The following MACROD2 variants were observed in gnomAD, a reference collection of about 807,000 sequenced individuals.
The protein encoded by MACROD2 is mono-ADP ribosylhydrolase 2.
A neutral mutation model predicts 70.4 loss-of-function variants in MACROD2; 36 were observed. That is an observed-to-expected ratio of 0.51 (90% CI 0.39 to 0.68). The LOEUF is 0.68. MACROD2 is among the 30% of genes least tolerant of loss of function. The pLI, the probability that MACROD2 is intolerant of heterozygous loss-of-function variation, is 0.00. For missense variants in MACROD2, 496 were observed against 538.4 expected, an observed-to-expected ratio of 0.92 and a Z score of 0.78; for synonymous variants, 172 against 178.8, an observed-to-expected ratio of 0.96 and a Z score of 0.30.
intron 5 of MACROD2, among the ~76,000 whole-genome samples, chr20:14,887,728 C>T (rs1250731891): frequency 6.6e-6 from 1 of 151,978 alleles, no homozygotes; most frequent in Non-Finnish European, 1.5e-5. Flanking sequence ...ACAATTGCTT[C>T]CTTACCAAAA....
At chr20:15,843,138 A>G (rs2064192284) in intron 8 of MACROD2, among the ~76,000 whole-genome samples, 1 of 152,184 alleles carries the variant, frequency 6.6e-6, no homozygotes, top group Non-Finnish European at 1.5e-5. Context: ...AAATGAGGTA[A>G]TCAACATGAA....
intron 3 of MACROD2, chr20:14,325,378 A>G (rs2082717003): frequency 1.8e-6 from 1 of 551,468 alleles, no homozygotes; most frequent in South Asian, 3.6e-5. Flanking sequence ...CGCAGCAGTA[A>G]CCTGAAATTT....
At chr20:14,193,673 C>T (rs1350426394) in intron 3 of MACROD2, among the ~76,000 whole-genome samples, 2 of 152,074 alleles carry the variant, frequency 1.3e-5, no homozygotes, top group Admixed American at 1.3e-4. Context: ...CGGAGTGCAG[C>T]TATAGTCAGA....
At chr20:15,158,156 C>T (rs2076322348) in intron 5 of MACROD2, among the ~76,000 whole-genome samples, 1 of 152,136 alleles carries the variant, frequency 6.6e-6, no homozygotes, top group Non-Finnish European at 1.5e-5. Context: ...GGGATATTCT[C>T]CACCTTTGTG....
intron 5 of MACROD2, among the ~76,000 whole-genome samples, chr20:14,703,663 C>A (rs2071233730): frequency 6.6e-6 from 1 of 152,154 alleles, no homozygotes; most frequent in Non-Finnish European, 1.5e-5. Context: ...TGAGATCATG[C>A]CACTGCTCTC....
At chr20:15,184,931 G>T (rs913213380) in intron 5 of MACROD2, among the ~76,000 whole-genome samples, 1 of 152,192 alleles carries the variant, frequency 6.6e-6, no homozygotes, top group Non-Finnish European at 1.5e-5. Flanking sequence ...TCTTTCGGGA[G>T]CTGTTGTTTC....
At chr20:14,961,668 C>T (rs939539760) in intron 5 of MACROD2, among the ~76,000 whole-genome samples, 48 of 152,170 alleles carry the variant, frequency 3.2e-4, no homozygotes, top group African/African-American at 7.2e-4. Flanking sequence ...CATCCCACTT[C>T]GGCCTCCCAA....
At chr20:15,320,202 C>A (rs1346088420) in intron 6 of MACROD2, among the ~76,000 whole-genome samples, 2 of 151,076 alleles carry the variant, frequency 1.3e-5, no homozygotes, top group Non-Finnish European at 2.9e-5. Context: ...GACTCCATCT[C>A]AAAAAAAACA....
intron 8 of MACROD2, among the ~76,000 whole-genome samples, chr20:15,763,803 A>G (rs1047991769): frequency 2.6e-5 from 4 of 152,250 alleles, no homozygotes; most frequent in Admixed American, 1.3e-4. Context: ...AAGGCTGTGT[A>G]GTTTCATGGC....
intron 12 of MACROD2, among the ~76,000 whole-genome samples, chr20:15,947,514 T>C (rs2065841592): frequency 6.6e-6 from 1 of 152,186 alleles, no homozygotes; most frequent in Non-Finnish European, 1.5e-5. Context: ...CACATGTTTC[T>C]GTGAGCTCAA....
chr20:15,039,088 T>A (rs1413014037), intron 5 of MACROD2, among the ~76,000 whole-genome samples: 1 of 152,136 alleles, frequency 6.6e-6, no homozygotes, highest in Non-Finnish European at 1.5e-5. Context: ...TTTAATAAAG[T>A]TTTATGTGAC....
intron 10 of MACROD2, among the ~76,000 whole-genome samples, chr20:15,924,389 G>A (rs1000918808): frequency 3.3e-5 from 5 of 152,160 alleles, no homozygotes; most frequent in South Asian, 4.1e-4. Flanking sequence ...ATCTTCAATC[G>A]TTGACTTCCC....
chr20:15,412,849 A>G (rs1196250186), intron 6 of MACROD2, among the ~76,000 whole-genome samples: 1 of 152,172 alleles, frequency 6.6e-6, no homozygotes, highest in Non-Finnish European at 1.5e-5. Flanking sequence ...ATCTGGACAA[A>G]TGACCCATTT....
chr20:14,875,215 T>G (rs1209572041), intron 5 of MACROD2, among the ~76,000 whole-genome samples: 1 of 151,818 alleles, frequency 6.6e-6, no homozygotes. Context: ...ACCCCATCTC[T>G]ACTAAAAATA....
At chr20:16,022,206 A>ACACCCGGC (rs2067012258) in intron 15 of MACROD2, among the ~76,000 whole-genome samples, 1 of 151,582 alleles carries the variant, frequency 6.6e-6, no homozygotes, top group Admixed American at 6.6e-5. Context: ...GCCCACTACC[A>ACACCCGGC]TACCCGGCTA....
At chr20:14,743,056 G>A (rs941708898) in intron 5 of MACROD2, among the ~76,000 whole-genome samples, 6 of 152,030 alleles carry the variant, frequency 3.9e-5, no homozygotes, top group South Asian at 2.1e-4. Context: ...GTGAGCCACC[G>A]CGCCCGGCCT....
intron 5 of MACROD2, among the ~76,000 whole-genome samples, chr20:15,056,006 C>T (rs920293779): frequency 4.6e-5 from 7 of 151,876 alleles, no homozygotes; most frequent in Non-Finnish European, 7.4e-5. Flanking sequence ...AGGCTGGTCT[C>T]GAACTCCTGA....
intron 5 of MACROD2, among the ~76,000 whole-genome samples, chr20:15,192,254 C>A (rs2076577438): frequency 6.6e-6 from 1 of 152,120 alleles, no homozygotes; most frequent in Non-Finnish European, 1.5e-5. Context: ...ACTTGGATCA[C>A]CTTCTGGGTT....
intron 5 of MACROD2, among the ~76,000 whole-genome samples, chr20:15,096,455 T>A (rs1166546523): frequency 6.8e-6 from 1 of 148,032 alleles, no homozygotes; most frequent in African/African-American, 2.5e-5. Flanking sequence ...AATATATATA[T>A]AAATATATAT....
Sources: allele counts gnomAD v4.1 joint callset (sites outside exome capture counted in the v4.1 genomes callset), GRCh38; gene constraint gnomAD v4.1.1; transcripts MANE v1.5; gene names NCBI Gene and HGNC (gene_info 2026-07-23, HGNC 2026-07-21).